CAPS2: variants seen among roughly 807,000 people sequenced by gnomAD.
The protein encoded by CAPS2 is calcyphosin-2.
In CAPS2, 98 loss-of-function variants were observed where a neutral mutation model predicts 86.5. The observed-to-expected ratio is 1.13, with a 90% CI of 0.96 to 1.34. The LOEUF (loss-of-function observed/expected upper bound fraction) is 1.34, where lower values mean the gene tolerates loss of function less well. Among genes scored for constraint, CAPS2 ranks in the 40% most tolerant of loss-of-function variants. CAPS2 has a pLI of 0.00. For synonymous variants in CAPS2, 210 were observed against 225.1 expected, an observed-to-expected ratio of 0.93 and a Z score of 0.60; for missense variants, 729 against 686.8, an observed-to-expected ratio of 1.06 and a Z score of -0.69.
At chr12:75,304,965 T>G in intron 7 of CAPS2, 89 bp from the exon 8 acceptor site, 1 of 1,132,194 alleles carries the variant, frequency 8.8e-7, no homozygotes, top group Non-Finnish European at 1.2e-6. Context: ...TAAAAGCTCA[T>G]ATACCAAATG....
intron 8 of CAPS2, among the ~76,000 whole-genome samples, chr12:75,303,276 A>G (rs1329493338): frequency 6.6e-6 from 1 of 152,230 alleles, no homozygotes; most frequent in African/African-American, 2.4e-5. Flanking sequence ...TCAAAATATC[A>G]TGTTGTACAT....
At position 75,304,958 on chromosome 12, in the gene CAPS2, A is replaced by G. The variant is rs760421258; in HGVS notation, c.660-82T>C. 3 of 1,280,114 alleles carry G rather than the reference A, an allele frequency of 2.3e-6. No individual in the cohort carries two copies. The Admixed American group carries it at 5.9e-5, about 25-fold the overall frequency. 79.3% of individuals were successfully genotyped at this position (1,280,114 alleles called of 1,614,324 possible). A position where few individuals can be genotyped will look rare whatever the true frequency, so the allele number is the denominator to read the frequency against. ...TTCACATATTTATAAGCAGTTCTAA[A>G]AGCTCATATACCAAATGCAAATTTA... On this transcript the variant is annotated intron_variant, in intron 7 of 16. Transcript: ENST00000393284.
At chr12:75,325,557 G>A (rs970959119) in intron 1 of CAPS2, 1 of 152,590 alleles carries the variant, frequency 6.6e-6, no homozygotes, top group Non-Finnish European at 1.5e-5. Context: ...GTCTATAACA[G>A]AGCAACTACA....
At chr12:75,370,165 A>G in intron 1 of CAPS2, 1 of 1,533,982 alleles carries the variant, frequency 6.5e-7, no homozygotes. Context: ...TCTTCTTCTG[A>G]GAATCTTTTA....
chr12:75,355,672 G>A (rs567750645), intron 1 of CAPS2, among the ~76,000 whole-genome samples: 3 of 152,246 alleles, frequency 2.0e-5, no homozygotes, highest in African/African-American at 4.8e-5. Flanking sequence ...AAAGATAAAT[G>A]CACAAGTAGG....
At chr12:75,333,800 C>G (rs1420319716), upstream of CAPS2, 1 of 151,872 alleles carries the variant, frequency 6.6e-6, no homozygotes, top group Non-Finnish European at 1.5e-5. Context: ...CTTCAAATTA[C>G]TAAGTAAAGG....
rs550510080 is a variant in CAPS2 at position 75,358,520 on chromosome 12, T to A, written c.-395+32318A>T. Among the ~76,000 whole-genome samples, 43 of 151,070 alleles carry A rather than the reference T, an allele frequency of 2.8e-4. 1 individual carries two copies. Among genetic ancestry groups the A allele is most frequent in the Non-Finnish European group, 5.9e-4 (40 of 67,612 alleles). ...AACATTCATTCCTGATGAAGGCTCC[T>A]AACAAGCTAAAAATAGAAGGGAATG... On this transcript the variant is annotated intron_variant, in intron 1 of 5. Coordinates refer to the CAPS2 transcript ENST00000551829.
intron 1 of CAPS2, among the ~76,000 whole-genome samples, chr12:75,359,411 G>A (rs1236239479): frequency 2.0e-5 from 2 of 101,166 alleles, no homozygotes; most frequent in Admixed American, 1.6e-4. Context: ...ATGAATTCAA[G>A]ACAATCCCAG....
chr12:75,282,733 A>G lies in CAPS2; in HGVS notation c.1516-386T>C, dbSNP rs111404949. On this transcript the variant is annotated intron_variant, in intron 15 of 16. Transcript: ENST00000393284. ...TAAAATTATTAGACATAGGAATCTAATATTCTATTTTACAGTAGGTTATTT... is the reference window on the plus strand; with the variant it reads ...TAAAATTATTAGACATAGGAATCTAGTATTCTATTTTACAGTAGGTTATTT... Among the ~76,000 whole-genome samples the G allele has an allele frequency of 6.5e-4, 99 of 152,300 alleles. 1 individual carries two copies. The highest frequency in any genetic ancestry group is 2.1e-3 in the African/African-American group (89 of 41,572).
At chr12:75,279,267 T>G (rs887276932) in intron 16 of CAPS2, among the ~76,000 whole-genome samples, 1 of 152,018 alleles carries the variant, frequency 6.6e-6, no homozygotes, top group African/African-American at 2.4e-5. Flanking sequence ...CCCCCTGCTC[T>G]CCTGCACTGA....
chr12:75,279,416 A>G (rs1349043484), intron 16 of CAPS2, among the ~76,000 whole-genome samples: 1 of 151,986 alleles, frequency 6.6e-6, no homozygotes, highest in Non-Finnish European at 1.5e-5. Flanking sequence ...AGGCCCATAT[A>G]TAATAGTAGA....
intron 1 of CAPS2, among the ~76,000 whole-genome samples, chr12:75,376,801 G>T (rs781521398): frequency 6.6e-6 from 1 of 152,110 alleles, no homozygotes; most frequent in African/African-American, 2.4e-5. Context: ...TCAGCCACTC[G>T]CATGATAAGA....
At chr12:75,345,933 T>G (rs1232219859) in intron 1 of CAPS2, among the ~76,000 whole-genome samples, 9 of 152,192 alleles carry the variant, frequency 5.9e-5, no homozygotes, top group Admixed American at 5.9e-4. Flanking sequence ...CAAGGTTAAG[T>G]AATTAGGAAT....
chr12:75,309,790 C>A (rs1179800939), intron 7 of CAPS2, among the ~76,000 whole-genome samples: 1 of 152,092 alleles, frequency 6.6e-6, no homozygotes, highest in Non-Finnish European at 1.5e-5. Context: ...TTTTTTAAAC[C>A]CCCAAATGAA....
At chr12:75,363,136 G>T (rs1392398049) in intron 1 of CAPS2, 1 of 1,559,468 alleles carries the variant, frequency 6.4e-7, no homozygotes, top group Admixed American at 2.1e-5. Flanking sequence ...TTACGTAAGA[G>T]GAGAATCTTG....
intron 1 of CAPS2, among the ~76,000 whole-genome samples, chr12:75,389,677 T>G (rs2045473567): frequency 6.6e-6 from 1 of 152,194 alleles, no homozygotes; most frequent in Non-Finnish European, 1.5e-5. Flanking sequence ...CTTAGGCACA[T>G]TACATGCTTT....
At chr12:75,325,768 A>G (rs1420140512) in intron 1 of CAPS2, among the ~76,000 whole-genome samples, 2 of 152,090 alleles carry the variant, frequency 1.3e-5, no homozygotes, top group African/African-American at 4.8e-5. Context: ...GCCTCCAGAT[A>G]AGAGTTAGCA....
At chr12:75,380,538 A>T (rs1438024819) in intron 1 of CAPS2, among the ~76,000 whole-genome samples, 3 of 152,216 alleles carry the variant, frequency 2.0e-5, no homozygotes, top group African/African-American at 7.2e-5. Flanking sequence ...TTTATTAAGC[A>T]TGCTCTCATG....
At chr12:75,284,510 AT>A (rs2034527742) in intron 15 of CAPS2, among the ~76,000 whole-genome samples, 1 of 152,098 alleles carries the variant, frequency 6.6e-6, no homozygotes, top group Non-Finnish European at 1.5e-5. Flanking sequence ...CCAGAGAAAC[AT>A]TTTTTAGTCA....
Sources: allele counts gnomAD v4.1 joint callset (sites outside exome capture counted in the v4.1 genomes callset), GRCh38; gene constraint gnomAD v4.1.1; transcripts MANE v1.5; gene names NCBI Gene and HGNC (gene_info 2026-07-23, HGNC 2026-07-21).